The following TVP23A variants were observed in gnomAD, a reference collection of about 807,000 sequenced individuals.
TVP23A encodes the protein Golgi apparatus membrane protein TVP23 homolog A.
In TVP23A, 21 loss-of-function variants were observed where a neutral mutation model predicts 31.7. The ratio of observed to expected loss-of-function variants is 0.66; its 90% CI spans 0.47 to 0.95. TVP23A has a LOEUF of 0.95. TVP23A is among the 40% of genes least tolerant of loss of function. The pLI, the probability that TVP23A is intolerant of heterozygous loss-of-function variation, is 0.00. For missense variants in TVP23A, 279 were observed against 255.6 expected (o/e 1.09, Z -0.62); for synonymous variants, 104 against 96.0 (o/e 1.08, Z -0.49).
At chr16:10,814,728 C>T (rs537408293) in intron 2 of TVP23A, among the ~76,000 whole-genome samples, 6 of 152,326 alleles carry the variant, frequency 3.9e-5, no homozygotes, top group African/African-American at 9.6e-5. Context: ...GTCCCTCAGG[C>T]GCCCTGGCCA....
chr16:10,789,090 A>C (rs2032942262), intron 2 of TVP23A, among the ~76,000 whole-genome samples: 1 of 152,138 alleles, frequency 6.6e-6, no homozygotes, highest in South Asian at 2.1e-4. Context: ...GGCCTCCCAA[A>C]GTGCTGGGAT....
chr16:10,786,695 G>C lies in TVP23A; in HGVS notation c.90-11599C>G, dbSNP rs145002277. 9.1e-3 allele frequency among the ~76,000 whole-genome samples: 1,388 copies of C among 151,756 alleles called. 14 individuals carry two copies. Among genetic ancestry groups the C allele is most frequent in the Admixed American group, 0.014 (210 of 15,212 alleles). ...GGATGGGAGGGGGTGAAGATGAAACGGGCCACATCCTGGTGATGACTGGGG... is the reference window on the plus strand; with the variant it reads ...GGATGGGAGGGGGTGAAGATGAAACCGGCCACATCCTGGTGATGACTGGGG... On this transcript the variant is annotated intron_variant, in intron 2 of 7. Transcript: ENST00000299866.
At chr16:10,793,060 G>A (rs772623935) in intron 2 of TVP23A, among the ~76,000 whole-genome samples, 7 of 152,174 alleles carry the variant, frequency 4.6e-5, no homozygotes, top group Admixed American at 2.6e-4. Context: ...AGGCCGAGGT[G>A]GGTGGATCAC....
At chr16:10,791,017 C>T (rs923398791) in intron 2 of TVP23A, among the ~76,000 whole-genome samples, 2 of 152,090 alleles carry the variant, frequency 1.3e-5, no homozygotes, top group East Asian at 1.9e-4. Context: ...TGCCCTTGGC[C>T]GATAGGAGGG....
At chr16:10,781,720 T>G (rs1180030770) in intron 2 of TVP23A, among the ~76,000 whole-genome samples, 5 of 151,994 alleles carry the variant, frequency 3.3e-5, no homozygotes, top group African/African-American at 1.2e-4. Context: ...GTAAATGAAG[T>G]GTGGAGTCTT....
In TVP23A at chr16:10,768,268, C is replaced by A; in HGVS notation, c.*834G>T. ...AATTTATGGCTTAGGAAATACATCCCAATAAAGGGATAAAGTAATTCATTT... is the reference window on the plus strand; with the variant it reads ...AATTTATGGCTTAGGAAATACATCCAAATAAAGGGATAAAGTAATTCATTT... On this transcript the variant is annotated 3_prime_UTR_variant, in exon 8 of 8. Transcript: ENST00000299866. This position sits in a 1 kb window ranked among gnomAD's most constrained non-coding sequence, Gnocchi z 4.3. The A allele has an allele frequency of 1.2e-5, 4 of 330,252 alleles. No homozygotes were observed. The highest frequency in any genetic ancestry group is 1.7e-5 in the Non-Finnish European group (3 of 180,272). The allele number at this position is 330,252 out of a possible 1,614,324, so 20.5% of individuals were successfully genotyped here. A position where few individuals can be genotyped will look rare whatever the true frequency, so the allele number is the denominator to read the frequency against.
At position 10,818,657 on chromosome 16, in the gene TVP23A, G is replaced by T. The variant is rs1022644866; in HGVS notation, c.-164C>A. The T allele has an allele frequency of 2.4e-6, 2 of 833,646 alleles. No individual in the cohort carries two copies. Among genetic ancestry groups the T allele is most frequent in the South Asian group, 2.2e-5 (1 of 45,336 alleles). The allele number at this position is 833,646 out of a possible 1,614,324, so 51.6% of individuals were successfully genotyped here. A position where few individuals can be genotyped will look rare whatever the true frequency, so the allele number is the denominator to read the frequency against. ...GCAGCCTCAGCGCAGCTTCTCGGGT[G>T]GGGCGGGGCGCTCGGGGCCTAAGGC... is the stretch of plus-strand genomic sequence containing the variant. On this transcript the variant is annotated 5_prime_UTR_variant, in exon 1 of 8. Transcript: ENST00000299866. This position sits in a 1 kb window ranked among gnomAD's most constrained non-coding sequence, Gnocchi z 4.7.
At position 10,818,017 on chromosome 16, in the gene TVP23A, C is replaced by A; in HGVS notation, c.89+86G>T. ...CCCCAGACCTGGCACACAGTAGGTG[C>A]TCAATATATTTTGAATGAATGAGTG... is the stretch of plus-strand genomic sequence containing the variant. On this transcript the variant is annotated intron_variant, in intron 2 of 7. Coordinates refer to ENST00000299866, the MANE Select transcript of TVP23A (RefSeq NM_001079512.4). This position sits in a 1 kb window ranked among gnomAD's most constrained non-coding sequence, Gnocchi z 4.7. The A allele has an allele frequency of 8.4e-7, 1 of 1,185,510 alleles. No individual in the cohort carries two copies. Among genetic ancestry groups the A allele is most frequent in the East Asian group, 2.5e-5 (1 of 39,346 alleles). 73.4% of individuals were successfully genotyped at this position (1,185,510 alleles called of 1,614,324 possible).
rs907395616 is a variant in TVP23A at position 10,770,439 on chromosome 16, T to A, written c.583-108A>T. ...CACAAAGTACAGAAAACCTGCGGAA[T>A]TGGTTGCTTGATGTCTTGGCATAAA... On this transcript the variant is annotated intron_variant, in intron 6 of 7. Transcript: ENST00000299866. 1.8e-5 allele frequency: 22 copies of A among 1,256,062 alleles called. No homozygotes were observed. In the South Asian group the frequency reaches 3.1e-4, roughly 17 times the overall value. 77.8% of individuals were successfully genotyped at this position (1,256,062 alleles called of 1,614,324 possible).
intron 2 of TVP23A, among the ~76,000 whole-genome samples, chr16:10,805,347 T>C (rs772401793): frequency 1.9e-4 from 29 of 152,026 alleles, no homozygotes; most frequent in Middle Eastern, 3.2e-3. Context: ...TGATCTTTTC[T>C]AATTTTAAAT....
In TVP23A at chr16:10,818,485, C is replaced by A; in HGVS notation, c.9G>T (p.Gln3His). Reference protein sequence around the residue: MKQALVDDTEDVS... With the variant: MKHALVDDTEDVS... The stretch of plus-strand genomic sequence containing the variant: ...AGCCCCAGCATCCCCGAGGCCCTAC[C>A]TGCTTCATCACCCTCCCAGGAGCCC... Residue 3 changes from glutamine to histidine, a missense_variant and splice_region_variant, in exon 1 of 8, where the codon CAG becomes CAT. Transcript: ENST00000299866. This position sits in a 1 kb window ranked among gnomAD's most constrained non-coding sequence, Gnocchi z 4.7. The A allele has an allele frequency of 1.2e-6, 2 of 1,605,292 alleles. No individual in the cohort carries two copies. Among genetic ancestry groups the A allele is most frequent in the Non-Finnish European group, 1.7e-6 (2 of 1,178,838 alleles).
chr16:10,767,819 T>C lies in TVP23A; in HGVS notation c.*1283A>G. The C allele has an allele frequency of 1.2e-6, 1 of 810,728 alleles. No individual in the cohort carries two copies. The highest frequency in any genetic ancestry group is 2.0e-6 in the Non-Finnish European group (1 of 494,366). 50.2% of individuals were successfully genotyped at this position (810,728 alleles called of 1,614,324 possible). A position where few individuals can be genotyped will look rare whatever the true frequency, so the allele number is the denominator to read the frequency against. On this transcript the variant is annotated 3_prime_UTR_variant, in exon 8 of 8. Coordinates refer to ENST00000299866, the MANE Select transcript of TVP23A (RefSeq NM_001079512.4). The surrounding 1 kb of genome is among the most constrained non-coding windows in gnomAD (Gnocchi z 4.6). ...GAGACCCCACTGGTCTTTTCTACTT[T>C]GTTCTTCATTACGAGTGAAGCGGGC...
chr16:10,767,472 G>C lies in TVP23A; in HGVS notation c.*1630C>G, dbSNP rs2031065404. The C allele has an allele frequency of 2.5e-6, 1 of 401,706 alleles. No homozygotes were observed. Among genetic ancestry groups the C allele is most frequent in the African/African-American group, 2.1e-5 (1 of 47,724 alleles). The allele number at this position is 401,706 out of a possible 1,614,324, so 24.9% of individuals were successfully genotyped here. A position where few individuals can be genotyped will look rare whatever the true frequency, so the allele number is the denominator to read the frequency against. On this transcript the variant is annotated 3_prime_UTR_variant, in exon 8 of 8. Transcript: ENST00000299866. The surrounding 1 kb of genome is among the most constrained non-coding windows in gnomAD (Gnocchi z 4.6). The stretch of plus-strand genomic sequence containing the variant: ...TCGTATTTTAGGTATATGAGAGTGT[G>C]TGTATGTGTGTGCGCACACATGCAA...
intron 2 of TVP23A, among the ~76,000 whole-genome samples, chr16:10,778,876 G>A (rs2032248429): frequency 6.6e-6 from 1 of 152,178 alleles, no homozygotes; most frequent in South Asian, 2.1e-4. Flanking sequence ...TGAGGCAGGA[G>A]AATTGCTTGA....
At chr16:10,816,633 A>G (rs1316133054) in intron 2 of TVP23A, among the ~76,000 whole-genome samples, 1 of 152,098 alleles carries the variant, frequency 6.6e-6, no homozygotes, top group African/African-American at 2.4e-5. Context: ...CCATGCACTC[A>G]GCCTATAATT....
chr16:10,811,026 A>G (rs994197301), intron 2 of TVP23A, among the ~76,000 whole-genome samples: 2 of 152,166 alleles, frequency 1.3e-5, no homozygotes, highest in Admixed American at 6.5e-5. Flanking sequence ...TTTCATTTAC[A>G]TGAAATGTCC....
intron 2 of TVP23A, chr16:10,775,334 T>A (rs1424956336): frequency 1.5e-6 from 2 of 1,325,048 alleles, no homozygotes; most frequent in Non-Finnish European, 1.9e-6. Flanking sequence ...TCCAGTACTT[T>A]CCCGCCACTT....
chr16:10,782,549 C>A (rs1408555185), intron 2 of TVP23A, among the ~76,000 whole-genome samples: 1 of 152,178 alleles, frequency 6.6e-6, no homozygotes, highest in Admixed American at 6.5e-5. Flanking sequence ...GTCTCCCAGG[C>A]TGGAGTGCAG....
downstream of TVP23A, chr16:10,766,602 G>A (rs2030911618): frequency 5.5e-6 from 1 of 181,372 alleles, no homozygotes; most frequent in Admixed American, 6.2e-5. The surrounding 1 kb of genome is among the most constrained non-coding windows in gnomAD (Gnocchi z 4.8). Context: ...ATGGTCTCAT[G>A]GGCCCAGCGT....
Sources: allele counts gnomAD v4.1 joint callset (sites outside exome capture counted in the v4.1 genomes callset), GRCh38; gene constraint gnomAD v4.1.1; non-coding constraint Gnocchi (gnomAD v3.1); transcripts MANE v1.5; gene names NCBI Gene and HGNC (gene_info 2026-07-23, HGNC 2026-07-21).